The following ICA1L variants were observed in gnomAD, a reference collection of about 807,000 sequenced individuals.
The protein encoded by ICA1L is islet cell autoantigen 1 like.
In ICA1L, 50 loss-of-function variants were observed where a neutral mutation model predicts 61.3. The ratio of observed to expected loss-of-function variants is 0.82; its 90% CI spans 0.65 to 1.03. The LOEUF is 1.03. Ranked by LOEUF, ICA1L falls within the 50% of genes least tolerant of loss-of-function variation. The pLI, the probability that ICA1L is intolerant of heterozygous loss-of-function variation, is 0.00. For synonymous variants in ICA1L, 161 were observed against 191.3 expected (o/e 0.84, Z 1.31); for missense variants, 508 against 556.7 (o/e 0.91, Z 0.88).
At chr2:202,821,810 G>A (rs1693709560) in intron 3 of ICA1L, 1 of 163,572 alleles carries the variant, frequency 6.1e-6, no homozygotes, top group Non-Finnish European at 1.3e-5. Flanking sequence ...TTTCAAATGT[G>A]CAGAGATGTA....
At chr2:202,838,289 A>G (rs1243245186) in intron 1 of ICA1L, among the ~76,000 whole-genome samples, 1 of 152,214 alleles carries the variant, frequency 6.6e-6, no homozygotes, top group Non-Finnish European at 1.5e-5. Flanking sequence ...ATTGCAATTG[A>G]AAAAGCTACC....
At chr2:202,851,696 C>T (rs534186006) in intron 1 of ICA1L, among the ~76,000 whole-genome samples, 8 of 152,238 alleles carry the variant, frequency 5.3e-5, no homozygotes, top group African/African-American at 1.2e-4. Flanking sequence ...TTTTAATGAT[C>T]GCCATTCTAA....
At chr2:202,783,244 C>G (rs891497424) in intron 12 of ICA1L, among the ~76,000 whole-genome samples, 2 of 152,186 alleles carry the variant, frequency 1.3e-5, no homozygotes, top group Non-Finnish European at 2.9e-5. Context: ...GGCAAAACTT[C>G]AGTAGAAACA....
At chr2:202,865,239 C>T (rs1406172049) in intron 1 of ICA1L, among the ~76,000 whole-genome samples, 3 of 151,834 alleles carry the variant, frequency 2.0e-5, no homozygotes, top group South Asian at 2.1e-4. Flanking sequence ...AAGGCCGAGG[C>T]GGGCGGGTCA....
At chr2:202,832,730 G>A (rs1249386691) in intron 1 of ICA1L, among the ~76,000 whole-genome samples, 1 of 151,680 alleles carries the variant, frequency 6.6e-6, no homozygotes, top group Non-Finnish European at 1.5e-5. Flanking sequence ...AGTGAGCTAT[G>A]ATTATGCCAC....
chr2:202,800,084 T>C (rs1352792971), intron 9 of ICA1L, among the ~76,000 whole-genome samples: 2 of 152,046 alleles, frequency 1.3e-5, no homozygotes, highest in Non-Finnish European at 2.9e-5. Context: ...GATTTCACCA[T>C]GTTGGCCAGG....
chr2:202,830,290 C>T (rs1230046674), intron 1 of ICA1L, among the ~76,000 whole-genome samples: 1 of 152,154 alleles, frequency 6.6e-6, no homozygotes, highest in Admixed American at 6.5e-5. Flanking sequence ...TACCTGTAAT[C>T]CCAGCTACTC....
intron 4 of ICA1L, among the ~76,000 whole-genome samples, chr2:202,821,039 C>T (rs1693688056): frequency 6.6e-6 from 1 of 152,106 alleles, no homozygotes; most frequent in Non-Finnish European, 1.5e-5. Flanking sequence ...AGATGTTAGT[C>T]ATTCTGTGAC....
rs568136096 is a variant in ICA1L, at chr2:202,815,400, T to A, written c.783+511A>T. On this transcript the variant is annotated intron_variant, in intron 7 of 12. Transcript: ENST00000358299. The stretch of plus-strand genomic sequence containing the variant: ...AAAATATGGCAGAATGAATGGTAAG[T>A]TAAAAGGTACTGAAACCTGGCATAA... 3.9e-5 allele frequency among the ~76,000 whole-genome samples: 6 copies of A among 152,238 alleles called. No individual in the cohort carries two copies. In the South Asian group the frequency reaches 1.2e-3, roughly 32 times the overall value.
intron 4 of ICA1L, among the ~76,000 whole-genome samples, chr2:202,820,734 G>A (rs1419742275): frequency 3.3e-5 from 5 of 152,138 alleles, no homozygotes; most frequent in Non-Finnish European, 7.4e-5. Flanking sequence ...GTACCTCCAC[G>A]TCACTTCCTT....
At chr2:202,861,560 C>T (rs1433160475) in intron 1 of ICA1L, among the ~76,000 whole-genome samples, 2 of 151,824 alleles carry the variant, frequency 1.3e-5, no homozygotes, top group African/African-American at 4.8e-5. Context: ...AACACTGCCC[C>T]CAGAATAGTA....
chr2:202,810,785 G>A (rs556543239), intron 9 of ICA1L, among the ~76,000 whole-genome samples: 1 of 152,256 alleles, frequency 6.6e-6, no homozygotes, highest in South Asian at 2.1e-4. Flanking sequence ...ATGTGTCCTT[G>A]AGGGTGGCCT....
intron 1 of ICA1L, among the ~76,000 whole-genome samples, chr2:202,850,054 G>C (rs1435311652): frequency 2.0e-5 from 3 of 152,058 alleles, no homozygotes; most frequent in African/African-American, 7.2e-5. Context: ...TGCAGAAGAG[G>C]GGCCTGTTAG....
chr2:202,805,104 AGACAT>A (rs1019931348), intron 9 of ICA1L, among the ~76,000 whole-genome samples: 3 of 152,248 alleles, frequency 2.0e-5, no homozygotes, highest in African/African-American at 7.2e-5. Context: ...GAAAGAAGCT[AGACAT>A]GACAAGACCA....
chr2:202,840,825 C>T, intron 1 of ICA1L: 1 of 615,336 alleles, frequency 1.6e-6, no homozygotes. Flanking sequence ...CCCTCAATCT[C>T]AGCCTGGAGC....
At chr2:202,806,671 A>G (rs150569799) in intron 9 of ICA1L, among the ~76,000 whole-genome samples, 19 of 151,796 alleles carry the variant, frequency 1.3e-4, no homozygotes, top group Admixed American at 3.3e-4. Context: ...AAGAAAAGGT[A>G]AAAAAAAGAA....
chr2:202,815,623 AT>A (rs963447980), intron 7 of ICA1L, among the ~76,000 whole-genome samples: 8 of 148,640 alleles, frequency 5.4e-5, no homozygotes, highest in South Asian at 4.3e-4. Context: ...ATTAAATTTA[AT>A]TTTTTTTTTA....
Position 202,778,559 on chromosome 2 carries a change from A to G in ICA1L, c.*974T>C, listed in dbSNP as rs60785646. ...AAATAATTATGTCACAAAATATGAG[A>G]TAAGTATGCAAATATATGTAAGGAT... On this transcript the variant is annotated 3_prime_UTR_variant, in exon 13 of 13. Coordinates refer to ENST00000358299, the MANE Select transcript of ICA1L (RefSeq NM_001288622.3). 6.6e-6 allele frequency: 1 copy of G among 152,202 alleles called. No homozygotes were observed. The highest frequency in any genetic ancestry group is 1.5e-5 in the Non-Finnish European group (1 of 68,038). The allele number at this position is 152,202 out of a possible 1,614,324, so 9.4% of individuals were successfully genotyped here.
chr2:202,817,383 T>C, intron 6 of ICA1L, 35 bp downstream of exon 6: 2 of 1,511,510 alleles, frequency 1.3e-6, no homozygotes, highest in Non-Finnish European at 8.9e-7. Context: ...CACTCATCTT[T>C]ACTGCAAGGA....
Sources: gnomAD v4.1 joint callset for allele counts (sites outside exome capture counted in the v4.1 genomes callset) on GRCh38, gnomAD v4.1.1 for gene constraint, MANE v1.5 for transcripts, NCBI Gene and HGNC (gene_info 2026-07-23, HGNC 2026-07-21) for gene names.